The following POLR2F variants were observed in gnomAD, a reference collection of about 807,000 sequenced individuals.
POLR2F encodes the protein RNA polymerase II, I and III subunit F.
In POLR2F, 12 loss-of-function variants were observed where a neutral mutation model predicts 22.7. The ratio of observed to expected loss-of-function variants is 0.53; its 90% CI spans 0.34 to 0.86. The LOEUF (loss-of-function observed/expected upper bound fraction) is 0.86. POLR2F is among the 40% of genes least tolerant of loss of function. The pLI is 0.02. For missense variants in POLR2F, 126 were observed against 171.5 expected (o/e 0.73, Z 1.48); for synonymous variants, 57 against 66.0 (o/e 0.86, Z 0.66).
intron 5 of POLR2F, among the ~76,000 whole-genome samples, chr22:38,037,591 A>G (rs1601921715): frequency 8.3e-6 from 1 of 120,188 alleles, no homozygotes; most frequent in South Asian, 2.8e-4. Flanking sequence ...GCCTCTTCCT[A>G]TCTCCTTTTT....
chr22:37,986,377 T>A lies in POLR2F; in HGVS notation c.120+65T>A. 1.3e-6 allele frequency: 2 copies of A among 1,528,972 alleles called. No individual in the cohort carries two copies. The highest frequency in any genetic ancestry group is 1.7e-6 in the Non-Finnish European group (2 of 1,143,406). The allele number at this position is 1,528,972 out of a possible 1,614,324, so 94.7% of individuals were successfully genotyped here. On this transcript the variant is annotated intron_variant, in intron 1 of 2. Coordinates refer to the POLR2F transcript ENST00000333418. This position sits in a 1 kb window ranked among gnomAD's most constrained non-coding sequence, Gnocchi z 4.7. The stretch of plus-strand genomic sequence containing the variant: ...CTTTGAGGAAAGGACCTCCCCGCTC[T>A]CTGCTGTGTCTGTGACTGGCCTGAG...
At chr22:37,971,118 A>G (rs1569166638), downstream of POLR2F, 1 of 403,966 alleles carries the variant, frequency 2.5e-6, no homozygotes, top group African/African-American at 2.1e-5. Context: ...GGAGCTGAGG[A>G]TGCCCAGTCT....
intron 1 of POLR2F, among the ~76,000 whole-genome samples, chr22:38,003,962 T>G (rs2084797742): frequency 6.6e-6 from 1 of 151,666 alleles, no homozygotes; most frequent in African/African-American, 2.4e-5. Flanking sequence ...TGCTGGAGAG[T>G]GGAGGCCGGA....
intron 1 of POLR2F, among the ~76,000 whole-genome samples, chr22:38,022,551 C>CAAAAAAAAAAAAAAAAAA (rs376987789): frequency 5.4e-5 from 3 of 55,826 alleles, no homozygotes; most frequent in African/African-American, 1.3e-4. Context: ...AACGCTGTCT[C>CAAAAAAAAAAAAAAAAAA]AAAAAAAAAA....
In POLR2F at chr22:38,017,627, G is replaced by A. The variant is rs1034182479; in HGVS notation, c.121-8242G>A. 2.6e-5 allele frequency among the ~76,000 whole-genome samples: 4 copies of A among 152,136 alleles called. No homozygotes were observed. The highest frequency in any genetic ancestry group is 4.8e-5 in the African/African-American group (2 of 41,432). ...GCACCTGAATGGGTCATGCAGTCCC[G>A]TCAGCATCTCAGGGCTGGAGGGGCC... On this transcript the variant is annotated intron_variant, in intron 1 of 2. Transcript: ENST00000333418. This position sits in a 1 kb window ranked among gnomAD's most constrained non-coding sequence, Gnocchi z 4.1.
At chr22:38,020,310 G>T (rs2084950514) in intron 1 of POLR2F, among the ~76,000 whole-genome samples, 1 of 151,152 alleles carries the variant, frequency 6.6e-6, no homozygotes. Context: ...TGTCTCTCAG[G>T]CTGGAGAGCA....
intron 1 of POLR2F, chr22:38,025,614 C>T (rs376199354): frequency 5.1e-5 from 79 of 1,551,042 alleles, no homozygotes; most frequent in Non-Finnish European, 6.7e-5. Context: ...GTGCTGAGAC[C>T]CTCCTACGCA....
chr22:37,978,057 C>T lies in POLR2F; in HGVS notation c.293+10887C>T, dbSNP rs199703563. On this transcript the variant is annotated intron_variant, in intron 4 of 4. Transcript: ENST00000405557. This position sits in a 1 kb window ranked among gnomAD's most constrained non-coding sequence, Gnocchi z 5.0. Reference sequence around the variant, plus strand: ...GCCGCCTGGGCTGGTACTTGTAGTCCGGGTGGTCTTTCTTGTGCTGCATAC... The same window carrying T: ...GCCGCCTGGGCTGGTACTTGTAGTCTGGGTGGTCTTTCTTGTGCTGCATAC... The T allele has an allele frequency of 8.0e-5, 129 of 1,610,228 alleles. No individual in the cohort carries two copies. The East Asian group carries it at 2.2e-3, about 27-fold the overall frequency.
At chr22:37,956,491 A>T (rs1337662351) in intron 1 of POLR2F, among the ~76,000 whole-genome samples, 1 of 151,270 alleles carries the variant, frequency 6.6e-6, no homozygotes, top group Admixed American at 6.6e-5. Context: ...ATCTTGGCTC[A>T]CTGCAACCTC....
upstream of POLR2F, chr22:37,983,226 G>A: frequency 8.9e-7 from 1 of 1,123,604 alleles, no homozygotes; most frequent in South Asian, 1.3e-5. The surrounding 1 kb of genome is among the most constrained non-coding windows in gnomAD (Gnocchi z 9.5). Flanking sequence ...CCCACACCTG[G>A]TCTTCCAGCC....
At chr22:37,985,086 A>T (rs1489743104), upstream of POLR2F, 1 of 152,074 alleles carries the variant, frequency 6.6e-6, no homozygotes, top group African/African-American at 2.4e-5. Context: ...ACAGTAAGAG[A>T]GACTTCTCAG....
chr22:37,983,613 G>A, upstream of POLR2F: 1 of 1,606,788 alleles, frequency 6.2e-7, no homozygotes. This position sits in a 1 kb window ranked among gnomAD's most constrained non-coding sequence, Gnocchi z 9.5. Flanking sequence ...CCGTCCTGCT[G>A]CTCCTTCTTG....
At chr22:37,972,070 G>A (rs1227192586), downstream of POLR2F, among the ~76,000 whole-genome samples, 1 of 136,522 alleles carries the variant, frequency 7.3e-6, no homozygotes, top group African/African-American at 2.8e-5. Flanking sequence ...GGGGGAGAGA[G>A]AGAGAAAGGA....
At position 37,967,616 on chromosome 22, in the gene POLR2F, CT is replaced by C; in HGVS notation, c.294-8del. 1 of 1,613,658 alleles carries C rather than the reference CT, an allele frequency of 6.2e-7. No homozygotes were observed. The highest frequency in any genetic ancestry group is 8.5e-7 in the Non-Finnish European group (1 of 1,179,782). ...CCCTCATGTACTTGTGACTTCTCCC[CT>C]GCCACAGGGCCCGAAAGATCCCCAT... is the stretch of plus-strand genomic sequence containing the variant. On this transcript the variant is annotated splice_polypyrimidine_tract_variant and splice_region_variant and intron_variant, in intron 4 of 4. Coordinates refer to ENST00000442738, the MANE Select transcript of POLR2F (RefSeq NM_021974.5).
upstream of POLR2F, among the ~76,000 whole-genome samples, chr22:37,982,554 G>A (rs374197707): frequency 4.6e-5 from 7 of 152,292 alleles, no homozygotes; most frequent in East Asian, 1.9e-4. Context: ...CCCTGGGCAG[G>A]AAGGAGGCCA....
chr22:38,010,602 GTTTTTTTTTTTTT>G (rs1159353447), intron 1 of POLR2F, among the ~76,000 whole-genome samples: 1 of 60,890 alleles, frequency 1.6e-5, no homozygotes, highest in African/African-American at 7.2e-5. Flanking sequence ...AATTCCTTGT[GTTTTTTTTTTTTT>G]TTTTTTTTTT....
intron 1 of POLR2F, among the ~76,000 whole-genome samples, chr22:38,021,644 A>T (rs1381408862): frequency 6.6e-6 from 1 of 151,956 alleles, no homozygotes; most frequent in Non-Finnish European, 1.5e-5. Context: ...TTTAATAGAG[A>T]TGGGGTTTCA....
chr22:38,041,512 C>T (rs887726871), downstream of POLR2F: 16 of 232,422 alleles, frequency 6.9e-5, no homozygotes, highest in Non-Finnish European at 1.0e-4. Flanking sequence ...CAAGTAATAA[C>T]GACAGTAGAC....
rs77201045 is a variant in POLR2F, at chr22:37,955,203, G to GTT, written c.20+1414_20+1415dup. 3.0e-3 allele frequency among the ~76,000 whole-genome samples: 395 copies of GTT among 131,736 alleles called. 1 individual carries two copies. The highest frequency in any genetic ancestry group is 9.4e-3 in the African/African-American group (336 of 35,722). The allele number at this position is 131,736 out of a possible 152,430, so 86.4% of individuals were successfully genotyped here. The stretch of plus-strand genomic sequence containing the variant: ...AGGGGGAGAGAGAAGAGAAATAAGG[G>GTT]TTTTTTTTTTTTTTTTTTTAGATGA... On this transcript the variant is annotated intron_variant, in intron 1 of 4. Coordinates refer to ENST00000442738, the MANE Select transcript of POLR2F (RefSeq NM_021974.5).
Sources: allele counts gnomAD v4.1 joint callset (sites outside exome capture counted in the v4.1 genomes callset), GRCh38; gene constraint gnomAD v4.1.1; non-coding constraint Gnocchi (gnomAD v3.1); transcripts MANE v1.5; gene names NCBI Gene and HGNC (gene_info 2026-07-23, HGNC 2026-07-21).